ROR1: variants seen among roughly 807,000 people sequenced by gnomAD.
The protein encoded by ROR1 is inactive tyrosine-protein kinase transmembrane receptor ROR1.
ROR1 carries 19 observed loss-of-function variants against 78.8 expected under a neutral mutation model. That is an observed-to-expected ratio of 0.24 (90% confidence interval 0.17 to 0.35). The LOEUF is 0.35. ROR1 is among the 10% of genes least tolerant of loss of function. The probability of loss-of-function intolerance (pLI) is 1.00; values close to 1 mark genes in which losing one functional copy is unlikely to be tolerated. For missense variants in ROR1, 917 were observed against 1,177.8 expected, an observed-to-expected ratio of 0.78 and a Z score of 3.24; for synonymous variants, 386 against 433.6, an observed-to-expected ratio of 0.89 and a Z score of 1.36.
intron 4 of ROR1, among the ~76,000 whole-genome samples, chr1:64,104,861 T>C (rs370031809): frequency 8.7e-4 from 132 of 152,358 alleles, no homozygotes; most frequent in African/African-American, 1.9e-3. Flanking sequence ...CAGTCTATCA[T>C]TGATGGGCAT....
At chr1:64,015,681 C>T (rs1646515575) in intron 2 of ROR1, among the ~76,000 whole-genome samples, 1 of 152,072 alleles carries the variant, frequency 6.6e-6, no homozygotes, top group African/African-American at 2.4e-5. Context: ...TGGATCTTGC[C>T]TTGGCTCTTG....
chr1:63,854,978 TGTATTATTTATTA>T (rs1373689972), intron 1 of ROR1, among the ~76,000 whole-genome samples: 1 of 152,096 alleles, frequency 6.6e-6, no homozygotes, highest in Non-Finnish European at 1.5e-5. Context: ...TTTTAAAATT[TGTATTATTTATTA>T]TTATTATTTA....
chr1:64,079,774 A>G (rs776499482), intron 4 of ROR1, among the ~76,000 whole-genome samples: 11 of 151,988 alleles, frequency 7.2e-5, no homozygotes, highest in Non-Finnish European at 1.5e-4. Flanking sequence ...GAGCCACCGT[A>G]TCTGGCCTTG....
intron 1 of ROR1, among the ~76,000 whole-genome samples, chr1:63,875,680 A>G (rs1645280494): frequency 6.6e-6 from 1 of 152,158 alleles, no homozygotes. Flanking sequence ...AAAACTGCAC[A>G]CTCACAAGTT....
At chr1:64,122,593 C>T (rs1278715649) in intron 4 of ROR1, among the ~76,000 whole-genome samples, 2 of 152,142 alleles carry the variant, frequency 1.3e-5, no homozygotes, top group African/African-American at 4.8e-5. Flanking sequence ...GTCAGTAGGC[C>T]ACCAATAAAT....
At chr1:63,937,051 G>A (rs1416805158) in intron 1 of ROR1, among the ~76,000 whole-genome samples, 1 of 152,138 alleles carries the variant, frequency 6.6e-6, no homozygotes, top group East Asian at 1.9e-4. Flanking sequence ...CCAATGATAT[G>A]GTTGAGAAAC....
intron 8 of ROR1, among the ~76,000 whole-genome samples, chr1:64,169,702 C>A (rs1047859190): frequency 6.6e-6 from 1 of 152,220 alleles, no homozygotes; most frequent in African/African-American, 2.4e-5. Flanking sequence ...AAAGTCTCAT[C>A]CAAGACAACG....
intron 1 of ROR1, among the ~76,000 whole-genome samples, chr1:63,910,300 C>G (rs1010555266): frequency 1.3e-5 from 2 of 152,110 alleles, no homozygotes; most frequent in African/African-American, 4.8e-5. Flanking sequence ...TATATATGGA[C>G]AAATTACTGA....
At chr1:63,780,158 A>T (rs1431362219) in intron 1 of ROR1, among the ~76,000 whole-genome samples, 1 of 152,070 alleles carries the variant, frequency 6.6e-6, no homozygotes, top group Non-Finnish European at 1.5e-5. Context: ...GCTTCTCTCC[A>T]TAGAACCATA....
chr1:63,920,421 G>C (rs1415650465), intron 1 of ROR1, among the ~76,000 whole-genome samples: 4 of 152,158 alleles, frequency 2.6e-5, no homozygotes, highest in Non-Finnish European at 5.9e-5. Flanking sequence ...TAGTGGCAAA[G>C]AACAAGGCAA....
intron 4 of ROR1, among the ~76,000 whole-genome samples, chr1:64,085,838 T>A (rs188103745): frequency 6.6e-6 from 1 of 152,222 alleles, no homozygotes; most frequent in East Asian, 1.9e-4. Flanking sequence ...TGCTTGGCCA[T>A]ATAAAACAGA....
rs534219513 is a variant in ROR1, at chr1:63,793,274, G to A, written c.91+18766G>A. Among the ~76,000 whole-genome samples, 10 of 152,306 alleles carry A rather than the reference G, an allele frequency of 6.6e-5. No individual in the cohort carries two copies. The East Asian group carries it at 7.7e-4, about 12-fold the overall frequency. On this transcript the variant is annotated intron_variant, in intron 1 of 8. Coordinates refer to ENST00000371079, the MANE Select transcript of ROR1 (RefSeq NM_005012.4). ...TCATTCTCAAATCTGGTGAGGCATC[G>A]TTGGCTTCTACCATGATGGCGATGG...
chr1:64,145,498 C>T (rs1406373594), intron 7 of ROR1, among the ~76,000 whole-genome samples: 1 of 152,142 alleles, frequency 6.6e-6, no homozygotes, highest in Non-Finnish European at 1.5e-5. Flanking sequence ...CACCACACCC[C>T]CTTTGTGTTG....
chr1:63,778,447 T>C (rs1174812003), intron 1 of ROR1, among the ~76,000 whole-genome samples: 1 of 152,194 alleles, frequency 6.6e-6, no homozygotes, highest in East Asian at 1.9e-4. Flanking sequence ...TGTTGGTGGC[T>C]AGTTCTAGGC....
intron 1 of ROR1, among the ~76,000 whole-genome samples, chr1:63,845,061 C>T (rs586103): frequency 0.22 from 33,371 of 151,930 alleles, 7,914 homozygotes; most frequent in African/African-American, 0.6. Flanking sequence ...TATAATTTAA[C>T]GTGAGCGTAT....
intron 1 of ROR1, among the ~76,000 whole-genome samples, chr1:63,894,972 A>G (rs1398977254): frequency 6.6e-6 from 1 of 152,146 alleles, no homozygotes; most frequent in African/African-American, 2.4e-5. Context: ...CTCAGTCTAG[A>G]AAAACTCCTG....
chr1:63,781,065 G>A (rs950488567), intron 1 of ROR1, among the ~76,000 whole-genome samples: 5 of 152,170 alleles, frequency 3.3e-5, no homozygotes, highest in African/African-American at 7.2e-5. Context: ...GGAAGCAGGA[G>A]GGGTGATAAA....
chr1:63,864,796 C>CT (rs757581149), intron 1 of ROR1, among the ~76,000 whole-genome samples: 19,934 of 137,962 alleles, frequency 0.14, 3,113 homozygotes, highest in African/African-American at 0.39. Flanking sequence ...ATCTTTCAAT[C>CT]TTTTTTTTTT....
chr1:63,974,507 A>G (rs565991598), intron 1 of ROR1, among the ~76,000 whole-genome samples: 2 of 152,216 alleles, frequency 1.3e-5, no homozygotes, highest in Non-Finnish European at 2.9e-5. Flanking sequence ...CAGTGGCGCA[A>G]TCTCAGCTCA....
Sources: gnomAD v4.1 joint callset for allele counts (sites outside exome capture counted in the v4.1 genomes callset) on GRCh38, gnomAD v4.1.1 for gene constraint, MANE v1.5 for transcripts, NCBI Gene and HGNC (gene_info 2026-07-23, HGNC 2026-07-21) for gene names.